The following BORCS5 variants were observed in gnomAD, a reference collection of about 807,000 sequenced individuals.
The protein encoded by BORCS5 is BLOC-1 related complex subunit 5.
Under a neutral mutation model 22.1 loss-of-function variants are expected in BORCS5, and 17 were observed. The ratio of observed to expected loss-of-function variants is 0.77; its 90% CI spans 0.53 to 1.15. The LOEUF (loss-of-function observed/expected upper bound fraction) is 1.15. Ranked by LOEUF, BORCS5 falls within the 50% of genes most tolerant of loss-of-function variation. The pLI is 0.00. For synonymous variants in BORCS5, 117 were observed against 99.8 expected, an observed-to-expected ratio of 1.17 and a Z score of -1.03; for missense variants, 247 against 253.2, an observed-to-expected ratio of 0.98 and a Z score of 0.17.
intron 2 of BORCS5, among the ~76,000 whole-genome samples, chr12:12,386,721 C>T (rs372855962): frequency 1.6e-4 from 24 of 150,916 alleles, no homozygotes; most frequent in Admixed American, 4.6e-4. Context: ...CCACCTGCCT[C>T]GGCCTCCCAA....
At chr12:12,376,513 G>A (rs900455221) in intron 2 of BORCS5, among the ~76,000 whole-genome samples, 26 of 152,160 alleles carry the variant, frequency 1.7e-4, no homozygotes, top group Admixed American at 1.3e-4. Flanking sequence ...GATTACAGGC[G>A]TGAGCCACTG....
chr12:12,389,244 TCTC>T (rs1863949024), intron 2 of BORCS5, among the ~76,000 whole-genome samples: 1 of 149,218 alleles, frequency 6.7e-6, no homozygotes, highest in East Asian at 1.9e-4. Context: ...TTCAAGGGAT[TCTC>T]CTGCCTCAGC....
chr12:12,359,396 C>T (rs1310678947), intron 1 of BORCS5, among the ~76,000 whole-genome samples: 2 of 143,056 alleles, frequency 1.4e-5, no homozygotes, highest in Admixed American at 7.3e-5. Flanking sequence ...GACAGTCTCA[C>T]TGTCACCTAG....
At chr12:12,390,777 C>A (rs772514280) in intron 2 of BORCS5, among the ~76,000 whole-genome samples, 6 of 144,854 alleles carry the variant, frequency 4.1e-5, no homozygotes, top group Non-Finnish European at 9.2e-5. Flanking sequence ...CAGAGCAAGA[C>A]CCTGTCTCTT....
intron 1 of BORCS5, among the ~76,000 whole-genome samples, chr12:12,359,949 A>T (rs1011782066): frequency 6.6e-6 from 1 of 150,904 alleles, no homozygotes; most frequent in Non-Finnish European, 1.5e-5. Context: ...AAATAGGGAG[A>T]TATATATATA....
At chr12:12,371,939 AT>A (rs1863538582) in intron 2 of BORCS5, among the ~76,000 whole-genome samples, 1 of 151,774 alleles carries the variant, frequency 6.6e-6, no homozygotes, top group African/African-American at 2.4e-5. Flanking sequence ...AGATGCTGGT[AT>A]TTTTCAGCTT....
At chr12:12,357,663 G>C (rs1216215348) in intron 1 of BORCS5, among the ~76,000 whole-genome samples, 154 bp downstream of exon 1, 1 of 151,904 alleles carries the variant, frequency 6.6e-6, no homozygotes, top group African/African-American at 2.4e-5. Flanking sequence ...CATCTGTCCT[G>C]GCCTCGATTC....
At position 12,393,448 on chromosome 12, in the gene BORCS5, C is replaced by T. The variant is rs979172916; in HGVS notation, c.202+32099C>T. The stretch of plus-strand genomic sequence containing the variant: ...TGAATTGCTGTTGAGCCAGTTTTCC[C>T]ACACCCTATCCTTATACAACTGGTT... On this transcript the variant is annotated intron_variant, in intron 2 of 3. Transcript: ENST00000314565. 5.9e-5 allele frequency among the ~76,000 whole-genome samples: 9 copies of T among 151,970 alleles called. No homozygotes were observed. In the East Asian group the frequency reaches 1.7e-3, roughly 29 times the overall value.
intron 2 of BORCS5, among the ~76,000 whole-genome samples, chr12:12,370,498 A>G (rs929192160): frequency 3.3e-5 from 5 of 152,082 alleles, no homozygotes; most frequent in African/African-American, 1.2e-4. Flanking sequence ...TTCTTGCTTG[A>G]ATTAATTATG....
At position 12,398,224 on chromosome 12, in the gene BORCS5, C is replaced by G. The variant is rs566703161; in HGVS notation, c.202+36875C>G. On this transcript the variant is annotated intron_variant, in intron 2 of 3. Coordinates refer to ENST00000314565, the MANE Select transcript of BORCS5 (RefSeq NM_058169.6). ...AACGTTTTGGGAGAGCAAGTTCTTG[C>G]GGGACATCACTAAATAAGAATGAGT... Among the ~76,000 whole-genome samples the G allele has an allele frequency of 4.6e-5, 7 of 152,132 alleles. No homozygotes were observed. In the East Asian group the frequency reaches 9.6e-4, roughly 21 times the overall value.
At position 12,465,701 on chromosome 12, in the gene BORCS5, G is replaced by C. The variant is rs139272726; in HGVS notation, c.516G>C (p.Arg172Ser). ...ACCAGACTGTGCCCCTGCTGGACAG[G>C]CTCAACAGCATGCTGCCCGAGGGCG... ...GIDQTVPLLD[R>S]LNSMLPEGER... is the part of the protein sequence containing the mutation. Residue 172 changes from arginine to serine, a missense_variant, in exon 4 of 4, where the codon AGG becomes AGC. Coordinates refer to ENST00000314565, the MANE Select transcript of BORCS5 (RefSeq NM_058169.6). 1 of 1,614,246 alleles carries C rather than the reference G, an allele frequency of 6.2e-7. No individual in the cohort carries two copies. Among genetic ancestry groups the C allele is most frequent in the Admixed American group, 1.7e-5 (1 of 60,030 alleles).
chr12:12,439,227 T>C (rs1544682), intron 3 of BORCS5, among the ~76,000 whole-genome samples: 60,421 of 152,142 alleles, frequency 0.4, 12,830 homozygotes, highest in Non-Finnish European at 0.48. Flanking sequence ...TGAAGGGTGA[T>C]AGGGTTAGGG....
intron 2 of BORCS5, among the ~76,000 whole-genome samples, chr12:12,428,753 G>GAA: frequency 6.6e-6 from 1 of 151,692 alleles, no homozygotes; most frequent in East Asian, 1.9e-4. Flanking sequence ...CTCAGCAAAA[G>GAA]AAAAAAAATT....
At chr12:12,435,023 A>G (rs1313010038) in intron 2 of BORCS5, among the ~76,000 whole-genome samples, 1 of 152,200 alleles carries the variant, frequency 6.6e-6, no homozygotes, top group Non-Finnish European at 1.5e-5. Context: ...ATGCAAATAC[A>G]GGGGAGATTA....
chr12:12,357,556 T>C, intron 1 of BORCS5, 47 bp downstream of exon 1: 1 of 1,570,472 alleles, frequency 6.4e-7, no homozygotes, highest in Non-Finnish European at 8.7e-7. Flanking sequence ...CCTGTCCCCT[T>C]GCAGAGCGGG....
At chr12:12,427,167 C>G (rs900010683) in intron 2 of BORCS5, among the ~76,000 whole-genome samples, 1 of 121,416 alleles carries the variant, frequency 8.2e-6, no homozygotes, top group Non-Finnish European at 1.7e-5. Flanking sequence ...CTTTCTCTTT[C>G]TTTTCTTTTT....
intron 2 of BORCS5, among the ~76,000 whole-genome samples, chr12:12,380,799 C>T (rs1863759244): frequency 6.6e-6 from 1 of 151,202 alleles, no homozygotes; most frequent in Non-Finnish European, 1.5e-5. Flanking sequence ...AGTGGTATCT[C>T]ATTATGGTTT....
At chr12:12,442,150 C>T (rs1443822117) in intron 3 of BORCS5, among the ~76,000 whole-genome samples, 5 of 151,146 alleles carry the variant, frequency 3.3e-5, no homozygotes, top group Non-Finnish European at 7.3e-5. Flanking sequence ...AGATGCAGCA[C>T]AGACTTTTGG....
At chr12:12,410,441 A>G (rs1592097617) in intron 2 of BORCS5, among the ~76,000 whole-genome samples, 1 of 152,230 alleles carries the variant, frequency 6.6e-6, no homozygotes. Context: ...AGCTTTCTAC[A>G]TATGGCTAGC....
Sources: allele counts gnomAD v4.1 joint callset (sites outside exome capture counted in the v4.1 genomes callset), GRCh38; gene constraint gnomAD v4.1.1; transcripts MANE v1.5; gene names NCBI Gene and HGNC (gene_info 2026-07-23, HGNC 2026-07-21).